PRTG: variants seen among roughly 807,000 people sequenced by gnomAD.
The protein encoded by PRTG is protogenin, also known as immunoglobulin superfamily, DCC subclass, member 5.
A neutral mutation model predicts 122.5 loss-of-function variants in PRTG; 67 were observed. The ratio of observed to expected loss-of-function variants is 0.55; its 90% CI spans 0.45 to 0.67. The LOEUF (loss-of-function observed/expected upper bound fraction) is 0.67. Among genes scored for constraint, PRTG ranks in the 30% least tolerant of loss-of-function variants. PRTG has a pLI of 0.00. For synonymous variants in PRTG, 554 were observed against 501.1 expected (o/e 1.11, Z -1.41); for missense variants, 1,435 against 1,415.4 (o/e 1.01, Z -0.22).
In PRTG at chr15:55,624,485, C is replaced by A. The variant is rs2059183718; in HGVS notation, c.2950G>T (p.Ala984Ser). ...GGTAACTGTTGAGTTCCATTCTGTG[C>A]CGTCTTGGAAGCAGATGATTTCCTA... ...KARKSSASKT[A>S]QNGTQQLPRT... Residue 984 changes from alanine (A) to serine (S), a missense_variant, in exon 18 of 20, where the codon GCA becomes TCA. Ala to Ser is a moderately conservative substitution (Grantham distance 99). Coordinates refer to ENST00000389286, the MANE Select transcript of PRTG (RefSeq NM_173814.6). 1.9e-6 allele frequency: 3 copies of A among 1,612,098 alleles called. No individual in the cohort carries two copies. Among genetic ancestry groups the A allele is most frequent in the East Asian group, 2.2e-5 (1 of 44,796 alleles).
intron 2 of PRTG, among the ~76,000 whole-genome samples, chr15:55,709,795 T>TA: frequency 6.6e-6 from 1 of 152,302 alleles, no homozygotes; most frequent in East Asian, 1.9e-4. Flanking sequence ...TTGAACATTC[T>TA]AAAAAGGCAA....
At chr15:55,717,369 A>C (rs2030637992) in intron 2 of PRTG, among the ~76,000 whole-genome samples, 1 of 152,222 alleles carries the variant, frequency 6.6e-6, no homozygotes, top group South Asian at 2.1e-4. Context: ...TCAGGAAGAA[A>C]AGGCTTTCTC....
chr15:55,682,246 A>G (rs1342789467), intron 4 of PRTG, 118 bp downstream of exon 4: 1 of 856,490 alleles, frequency 1.2e-6, no homozygotes, highest in Admixed American at 3.9e-5. Flanking sequence ...TTTTCCAAAT[A>G]GATTATAATA....
intron 16 of PRTG, among the ~76,000 whole-genome samples, chr15:55,627,742 T>C (rs935224688): frequency 2.6e-5 from 4 of 152,204 alleles, no homozygotes; most frequent in African/African-American, 9.6e-5. Flanking sequence ...TGTTCCTTGA[T>C]AGACCCAAGA....
Position 55,614,265 on chromosome 15 carries a change from G to T in PRTG, c.*5747C>A, listed in dbSNP as rs1379983578. 1 of 152,028 alleles carries T rather than the reference G, an allele frequency of 6.6e-6. No individual in the cohort carries two copies. The highest frequency in any genetic ancestry group is 2.1e-4 in the South Asian group (1 of 4,822). The allele number at this position is 152,028 out of a possible 1,614,324, so 9.4% of individuals were successfully genotyped here. A position where few individuals can be genotyped will look rare whatever the true frequency, so the allele number is the denominator to read the frequency against. On this transcript the variant is annotated 3_prime_UTR_variant, in exon 20 of 20. Transcript: ENST00000389286. The stretch of plus-strand genomic sequence containing the variant: ...GGAACCAAAAAAGAATGACAAGAAA[G>T]ATCAAATTTCCTAGGAAATGTATAT...
At position 55,619,653 on chromosome 15, in the gene PRTG, T is replaced by A; in HGVS notation, c.*359A>T. On this transcript the variant is annotated 3_prime_UTR_variant, in exon 20 of 20. Coordinates refer to ENST00000389286, the MANE Select transcript of PRTG (RefSeq NM_173814.6). ...CTTCCCTTTGCTCCAGTGATATATT[T>A]TATAATCCAGTCAAACATCTCGACC... 5.0e-6 allele frequency: 1 copy of A among 200,094 alleles called. No homozygotes were observed. The highest frequency in any genetic ancestry group is 1.3e-4 in the East Asian group (1 of 7,546). 12.4% of individuals were successfully genotyped at this position (200,094 alleles called of 1,614,324 possible). A position where few individuals can be genotyped will look rare whatever the true frequency, so the allele number is the denominator to read the frequency against.
intron 2 of PRTG, among the ~76,000 whole-genome samples, chr15:55,730,878 T>C (rs1179149965): frequency 4.6e-5 from 7 of 152,142 alleles, no homozygotes; most frequent in Non-Finnish European, 8.8e-5. Context: ...AGAAAGGCAC[T>C]TACCCCCTCC....
intron 2 of PRTG, among the ~76,000 whole-genome samples, chr15:55,710,327 T>C (rs1253192799): frequency 5.3e-5 from 8 of 152,236 alleles, no homozygotes; most frequent in African/African-American, 1.9e-4. Flanking sequence ...ATCTACTTAA[T>C]TACAGCAATG....
intron 11 of PRTG, among the ~76,000 whole-genome samples, chr15:55,667,430 A>G (rs771269253): frequency 1.3e-5 from 2 of 152,064 alleles, no homozygotes; most frequent in Non-Finnish European, 2.9e-5. Flanking sequence ...AAATTTTTCA[A>G]ATATTAAGTT....
At chr15:55,622,216 GT>G (rs35973280) in intron 18 of PRTG, among the ~76,000 whole-genome samples, 3,143 of 113,352 alleles carry the variant, frequency 0.028, 60 homozygotes, top group African/African-American at 0.1. Context: ...ATTAGTACTT[GT>G]TTTTTTTTTT....
At chr15:55,622,658 T>C (rs929790737) in intron 18 of PRTG, among the ~76,000 whole-genome samples, 1 of 152,030 alleles carries the variant, frequency 6.6e-6, no homozygotes, top group Non-Finnish European at 1.5e-5. Flanking sequence ...CCCAAAGCGC[T>C]GGGATTACAG....
chr15:55,629,371 A>ATGTGTGTGTGTGTG (rs1457708289), intron 15 of PRTG, among the ~76,000 whole-genome samples: 30 of 35,516 alleles, frequency 8.4e-4, no homozygotes, highest in African/African-American at 8.5e-4. Flanking sequence ...ATATATATAT[A>ATGTGTGTGTGTGTG]TATATGTGTG....
rs1430607792 is a variant in PRTG at position 55,680,578 on chromosome 15, T to C, written c.727A>G (p.Asn243Asp). ...GTCTGATGAAGAGATGTTGTTATGT[T>C]CTGTGGACCTGCTATAATTGTTGGT... ...HTPTIIAGPQ[N>D]ITTSLHQTVV... The change falls in exon 5 of 20, where the codon AAC becomes GAC. Residue 243 changes from asparagine to aspartate, a missense_variant. Physicochemically the swap from Asn to Asp is conservative, Grantham distance 23. Coordinates refer to ENST00000389286, the MANE Select transcript of PRTG (RefSeq NM_173814.6). 6.3e-7 allele frequency: 1 copy of C among 1,590,536 alleles called. No homozygotes were observed. Among genetic ancestry groups the C allele is most frequent in the Non-Finnish European group, 8.6e-7 (1 of 1,167,348 alleles).
At chr15:55,649,749 G>A (rs931343575) in intron 11 of PRTG, among the ~76,000 whole-genome samples, 3 of 151,904 alleles carry the variant, frequency 2.0e-5, no homozygotes, top group African/African-American at 7.3e-5. Context: ...CTGAGATTGG[G>A]TCACTGCACT....
Position 55,637,333 on chromosome 15 carries a change from T to C in PRTG, c.2460A>G (p.Ala820=). 4 of 1,611,712 alleles carry C rather than the reference T, an allele frequency of 2.5e-6. No homozygotes were observed. Among genetic ancestry groups the C allele is most frequent in the African/African-American group, 1.3e-5 (1 of 74,962 alleles). ...TCACTTTTACTCCAACTGGTGGGCCTGCTGGTGCTGTGCAGACACAACAAA... is the reference window on the plus strand; with the variant it reads ...TCACTTTTACTCCAACTGGTGGGCCCGCTGGTGCTGTGCAGACACAACAAA... ...VYHSTLPEAP[A]GPPVGVKVTL... is the part of the protein sequence containing the mutation. Residue 820 remains alanine (A), a synonymous_variant, in exon 15 of 20, where the codon GCA becomes GCG. Transcript: ENST00000389286.
chr15:55,713,988 A>C (rs908643503), intron 2 of PRTG, among the ~76,000 whole-genome samples: 1 of 152,124 alleles, frequency 6.6e-6, no homozygotes, highest in Admixed American at 6.6e-5. Flanking sequence ...CCCAATCCAG[A>C]AGTAGGGCTA....
At position 55,616,145 on chromosome 15, in the gene PRTG, T is replaced by C. The variant is rs1323702024; in HGVS notation, c.*3867A>G. The C allele has an allele frequency of 6.6e-6, 1 of 152,140 alleles. No individual in the cohort carries two copies. Among genetic ancestry groups the C allele is most frequent in the African/African-American group, 2.4e-5 (1 of 41,452 alleles). 9.4% of individuals were successfully genotyped at this position (152,140 alleles called of 1,614,324 possible). The stretch of plus-strand genomic sequence containing the variant: ...AGCTGTATTTTTACTTTTAGGCTAA[T>C]CAAAATATAAAACCCCAGATTTCAT... On this transcript the variant is annotated 3_prime_UTR_variant, in exon 20 of 20. Coordinates refer to ENST00000389286, the MANE Select transcript of PRTG (RefSeq NM_173814.6).
At chr15:55,740,816 A>G in intron 1 of PRTG, 132 bp from the exon 2 acceptor site, 1 of 755,948 alleles carries the variant, frequency 1.3e-6, no homozygotes, top group Admixed American at 3.1e-5. Context: ...GTTAACTTAC[A>G]AACACCTTAA....
intron 2 of PRTG, among the ~76,000 whole-genome samples, chr15:55,727,423 A>G (rs1041378192): frequency 2.0e-5 from 3 of 152,220 alleles, no homozygotes; most frequent in African/African-American, 4.8e-5. Flanking sequence ...CAAGGAAAAC[A>G]CAAATTACCT....
Sources: gnomAD v4.1 joint callset for allele counts (sites outside exome capture counted in the v4.1 genomes callset) on GRCh38, gnomAD v4.1.1 for gene constraint, MANE v1.5 for transcripts, NCBI Gene and HGNC (gene_info 2026-07-23, HGNC 2026-07-21) for gene names.